Variants in FBXL17 observed in about 807,000 individuals in gnomAD.
The protein encoded by FBXL17 is F-box and leucine rich repeat protein 17, also known as F-box/LRR-repeat protein 17.
FBXL17 carries 22 observed loss-of-function variants against 66.2 expected under a neutral mutation model. That is an observed-to-expected ratio of 0.33 (90% CI 0.24 to 0.47). The LOEUF is 0.47. Ranked by LOEUF, FBXL17 falls within the 20% of genes least tolerant of loss-of-function variation. The pLI, the probability that FBXL17 is intolerant of heterozygous loss-of-function variation, is 1.00. For missense variants in FBXL17, 878 were observed against 948.2 expected, an observed-to-expected ratio of 0.93 and a Z score of 0.97; for synonymous variants, 474 against 400.5, an observed-to-expected ratio of 1.18 and a Z score of -2.19.
At chr5:108,212,432 A>G (rs1458096647) in intron 5 of FBXL17, among the ~76,000 whole-genome samples, 8 of 152,264 alleles carry the variant, frequency 5.3e-5, no homozygotes, top group African/African-American at 1.9e-4. Flanking sequence ...TGGAATTTTC[A>G]GCCTTTTTGT....
In FBXL17 at chr5:108,352,114, C is replaced by T. The variant is rs1747693997; in HGVS notation, c.1375-3584G>A. On this transcript the variant is annotated intron_variant, in intron 3 of 8. Coordinates refer to ENST00000542267, the MANE Select transcript of FBXL17 (RefSeq NM_001163315.3). ...GTAAAGTCAGATGTGGGGAACAGTG[C>T]CTCACAGGAGAAGCTATTATGATTT... 1.3e-5 allele frequency among the ~76,000 whole-genome samples: 2 copies of T among 152,344 alleles called. 1 individual carries two copies. The highest frequency in any genetic ancestry group is 4.1e-4 in the South Asian group (2 of 4,828).
chr5:107,954,378 G>A (rs1360309256), intron 7 of FBXL17, among the ~76,000 whole-genome samples: 1 of 152,192 alleles, frequency 6.6e-6, no homozygotes, highest in Non-Finnish European at 1.5e-5. Flanking sequence ...GACTTTAAAA[G>A]ACCAGTGATA....
intron 7 of FBXL17, among the ~76,000 whole-genome samples, chr5:108,000,485 T>C (rs1198636553): frequency 6.6e-6 from 1 of 152,248 alleles, no homozygotes; most frequent in African/African-American, 2.4e-5. Flanking sequence ...GTCTGTTCTT[T>C]AGATGGCACA....
chr5:108,193,125 G>C (rs1414168406), intron 5 of FBXL17, among the ~76,000 whole-genome samples: 1 of 152,188 alleles, frequency 6.6e-6, no homozygotes, highest in Non-Finnish European at 1.5e-5. Context: ...TATTGGACCA[G>C]GTTTCTAAGT....
At chr5:108,348,594 A>AT (rs910617086) in intron 3 of FBXL17, 64 bp from the exon 4 acceptor site, 2 of 1,524,604 alleles carry the variant, frequency 1.3e-6, no homozygotes, top group African/African-American at 2.8e-5. Flanking sequence ...TTCAAGTGAG[A>AT]TTTTCATATA....
At chr5:107,962,783 A>C (rs915162386) in intron 7 of FBXL17, among the ~76,000 whole-genome samples, 4 of 151,992 alleles carry the variant, frequency 2.6e-5, no homozygotes, top group Non-Finnish European at 5.9e-5. Context: ...GATATCAATA[A>C]ATTTATATTG....
intron 6 of FBXL17, among the ~76,000 whole-genome samples, chr5:108,169,533 T>C (rs2150014877): frequency 6.6e-6 from 1 of 152,312 alleles, no homozygotes; most frequent in African/African-American, 2.4e-5. Context: ...GAATGTTATG[T>C]TTCTCCAGCA....
intron 7 of FBXL17, among the ~76,000 whole-genome samples, chr5:107,907,047 T>C (rs991359630): frequency 6.6e-6 from 1 of 152,130 alleles, no homozygotes; most frequent in Admixed American, 6.5e-5. Context: ...CTTCGTAAAA[T>C]AGATAAAACT....
At chr5:108,363,781 T>G (rs556083469) in intron 3 of FBXL17, among the ~76,000 whole-genome samples, 2 of 152,118 alleles carry the variant, frequency 1.3e-5, no homozygotes, top group South Asian at 4.1e-4. Context: ...ATCCAGTTCT[T>G]AATACATACA....
chr5:107,959,381 A>AACAC (rs57041975), intron 7 of FBXL17, among the ~76,000 whole-genome samples: 19,886 of 147,778 alleles, frequency 0.13, 1,537 homozygotes, highest in East Asian at 0.24. Context: ...GGCTGCTATA[A>AACAC]ACACACACAC....
intron 4 of FBXL17, among the ~76,000 whole-genome samples, chr5:108,225,946 T>G (rs912706062): frequency 6.6e-6 from 1 of 152,204 alleles, no homozygotes; most frequent in African/African-American, 2.4e-5. Context: ...TTTTGGCTCT[T>G]GGTCACTTGG....
intron 6 of FBXL17, among the ~76,000 whole-genome samples, chr5:108,074,834 T>C (rs1482800776): frequency 6.6e-6 from 1 of 152,216 alleles, no homozygotes; most frequent in East Asian, 1.9e-4. Context: ...AAGTCACTGG[T>C]GAGAGCTGCA....
At chr5:108,000,592 A>G (rs931487916) in intron 7 of FBXL17, among the ~76,000 whole-genome samples, 2 of 152,208 alleles carry the variant, frequency 1.3e-5, no homozygotes, top group Non-Finnish European at 2.9e-5. Flanking sequence ...ATTTCATAAC[A>G]TCCTATACTA....
intron 6 of FBXL17, among the ~76,000 whole-genome samples, chr5:108,107,583 C>T (rs1172441116): frequency 6.6e-6 from 1 of 151,818 alleles, no homozygotes; most frequent in Non-Finnish European, 1.5e-5. Flanking sequence ...GAGGCCAAGG[C>T]GGGCAGATCA....
intron 5 of FBXL17, among the ~76,000 whole-genome samples, chr5:108,207,972 A>T (rs981019387): frequency 2.6e-5 from 4 of 152,116 alleles, no homozygotes; most frequent in African/African-American, 9.7e-5. Context: ...CCTCTCTAGC[A>T]TCTGTTGTTT....
Position 107,910,075 on chromosome 5 carries a change from A to G in FBXL17, c.1823-28896T>C, listed in dbSNP as rs1749897877. On this transcript the variant is annotated intron_variant, in intron 7 of 8. Transcript: ENST00000542267. ...ACCACAAGCCACTCAAATAAATGCA[A>G]CTCAGAATCTCCAGTGTCATTTGCT... Among the ~76,000 whole-genome samples, 3 of 143,396 alleles carry G rather than the reference A, an allele frequency of 2.1e-5. No individual in the cohort carries two copies. In the Admixed American group the frequency reaches 2.2e-4, roughly 10 times the overall value. 94.1% of individuals were successfully genotyped at this position (143,396 alleles called of 152,430 possible).
intron 8 of FBXL17, 93 bp from the exon 9 acceptor site, chr5:107,861,953 G>A: frequency 1.5e-6 from 2 of 1,305,576 alleles, no homozygotes; most frequent in Non-Finnish European, 1.0e-6. Flanking sequence ...GGCTCACTGT[G>A]ACACGAAGAG....
intron 7 of FBXL17, among the ~76,000 whole-genome samples, chr5:107,888,929 G>T (rs114442989): frequency 0.014 from 2,095 of 152,270 alleles, 32 homozygotes; most frequent in Middle Eastern, 0.044. Context: ...TTTTCCCAAA[G>T]TGGTTGTACC....
intron 6 of FBXL17, among the ~76,000 whole-genome samples, chr5:108,022,330 T>C (rs1754635474): frequency 6.6e-6 from 1 of 151,922 alleles, no homozygotes; most frequent in South Asian, 2.1e-4. Context: ...TTCCACGTCA[T>C]TTGGTTATAA....
Sources: allele counts gnomAD v4.1 joint callset (sites outside exome capture counted in the v4.1 genomes callset), GRCh38; gene constraint gnomAD v4.1.1; transcripts MANE v1.5; gene names NCBI Gene and HGNC (gene_info 2026-07-23, HGNC 2026-07-21).